PTBP2: variants seen among roughly 807,000 people sequenced by gnomAD.
PTBP2 encodes the protein polypyrimidine tract binding protein 2.
PTBP2 carries 13 observed loss-of-function variants against 61.4 expected under a neutral mutation model. That is an observed-to-expected ratio of 0.21 (90% CI 0.14 to 0.34). The LOEUF (loss-of-function observed/expected upper bound fraction) is 0.34, where lower values mean the gene tolerates loss of function less well. PTBP2 is among the 10% of genes least tolerant of loss of function. The probability of loss-of-function intolerance (pLI) is 1.00; values close to 1 mark genes in which losing one functional copy is unlikely to be tolerated. For synonymous variants in PTBP2, 215 were observed against 218.5 expected (o/e 0.98, Z 0.14); for missense variants, 405 against 642.6 (o/e 0.63, Z 4.00).
chr1:96,804,993 G>A (rs1471486228), intron 9 of PTBP2, 54 bp downstream of exon 9: 3 of 1,370,942 alleles, frequency 2.2e-6, no homozygotes, highest in East Asian at 5.1e-5. Context: ...ATTTGTGAAA[G>A]TTTTTCATGT....
intron 11 of PTBP2, among the ~76,000 whole-genome samples, chr1:96,811,786 CAT>C (rs1319652143): frequency 4.6e-5 from 7 of 152,174 alleles, no homozygotes; most frequent in African/African-American, 1.7e-4. Context: ...AAGTGCATGA[CAT>C]ATTAGAAATG....
chr1:96,805,957 T>C (rs1049456688), intron 9 of PTBP2, among the ~76,000 whole-genome samples: 2 of 152,176 alleles, frequency 1.3e-5, no homozygotes, highest in African/African-American at 4.8e-5. Context: ...ATGACTACAT[T>C]TTACTCAGTT....
At chr1:96,739,533 A>G (rs771507851) in intron 2 of PTBP2, among the ~76,000 whole-genome samples, 4 of 151,602 alleles carry the variant, frequency 2.6e-5, no homozygotes, top group Non-Finnish European at 5.9e-5. Flanking sequence ...AATACCTCAC[A>G]TAAGTGGAAT....
chr1:96,782,018 T>C (rs1658724600), intron 7 of PTBP2, among the ~76,000 whole-genome samples: 1 of 152,036 alleles, frequency 6.6e-6, no homozygotes, highest in African/African-American at 2.4e-5. Context: ...ATCTTTTTAA[T>C]AGTATAATAA....
At chr1:96,809,905 T>G (rs996214045) in intron 11 of PTBP2, among the ~76,000 whole-genome samples, 1 of 151,972 alleles carries the variant, frequency 6.6e-6, no homozygotes, top group Admixed American at 6.6e-5. Flanking sequence ...TGGAAATCAA[T>G]GGTATAAAAG....
chr1:96,762,439 G>A lies in PTBP2; in HGVS notation c.116-7264G>A, dbSNP rs1167068267. 7.3e-5 allele frequency among the ~76,000 whole-genome samples: 10 copies of A among 137,554 alleles called. No homozygotes were observed. In the South Asian group the frequency reaches 9.5e-4, roughly 13 times the overall value. The allele number at this position is 137,554 out of a possible 152,430, so 90.2% of individuals were successfully genotyped here. ...TCCCGGATGGGGCAGCTGGCCGGGC[G>A]GGGGGCTGACCCCCCCACCTCCCTC... On this transcript the variant is annotated intron_variant, in intron 3 of 13. Coordinates refer to ENST00000674951, the MANE Select transcript of PTBP2 (RefSeq NM_021190.4).
chr1:96,734,453 A>T (rs888919568), intron 2 of PTBP2, among the ~76,000 whole-genome samples: 3 of 151,744 alleles, frequency 2.0e-5, no homozygotes, highest in Non-Finnish European at 4.4e-5. Context: ...AAGTCATAGT[A>T]TTTTTATAGG....
At position 96,812,806 on chromosome 1, in the gene PTBP2, T is replaced by C. The variant is rs764177089; in HGVS notation, c.1266T>C (p.Leu422=). Residue 422 remains leucine (L), a synonymous_variant, in exon 12 of 14, where the codon CTT becomes CTC. Transcript: ENST00000674951. ...HQTVQLPREG[L]DDQGLTKDFG... Reference sequence around the variant, plus strand: ...CTGTACAGCTACCTCGAGAGGGACTTGATGATCAAGGGCTAACAAAAGATT... The same window carrying C: ...CTGTACAGCTACCTCGAGAGGGACTCGATGATCAAGGGCTAACAAAAGATT... 1.9e-6 allele frequency: 3 copies of C among 1,612,522 alleles called. No individual in the cohort carries two copies. Among genetic ancestry groups the C allele is most frequent in the Non-Finnish European group, 1.7e-6 (2 of 1,178,614 alleles).
intron 2 of PTBP2, among the ~76,000 whole-genome samples, chr1:96,748,212 C>A (rs1654092388): frequency 6.6e-6 from 1 of 152,262 alleles, no homozygotes; most frequent in East Asian, 1.9e-4. Context: ...CAGTCCCAAA[C>A]CATAGCAGAG....
At chr1:96,808,538 GT>G (rs1012878477) in intron 11 of PTBP2, among the ~76,000 whole-genome samples, 6 of 152,118 alleles carry the variant, frequency 3.9e-5, no homozygotes, top group African/African-American at 1.4e-4. Flanking sequence ...TTTAAGTACA[GT>G]TACATTGGGG....
intron 1 of PTBP2, 98 bp downstream of exon 1, chr1:96,721,970 C>G: frequency 6.7e-7 from 1 of 1,498,556 alleles, no homozygotes; most frequent in Non-Finnish European, 9.1e-7. Context: ...CGCGGCCCCT[C>G]CCAGGGCTGG....
At chr1:96,804,767 G>C in intron 8 of PTBP2, 33 bp from the exon 9 acceptor site, 1 of 1,578,562 alleles carries the variant, frequency 6.3e-7, no homozygotes. Flanking sequence ...CGTAAAATAT[G>C]CTTTATTTTA....
intron 7 of PTBP2, among the ~76,000 whole-genome samples, chr1:96,782,882 T>C (rs1181568919): frequency 4.6e-5 from 7 of 152,060 alleles, no homozygotes; most frequent in Non-Finnish European, 7.4e-5. Context: ...GTGCCTAATA[T>C]CTTTCCTGTG....
chr1:96,774,966 C>G (rs867592432), intron 5 of PTBP2, among the ~76,000 whole-genome samples: 2 of 152,292 alleles, frequency 1.3e-5, no homozygotes, highest in Middle Eastern at 3.4e-3. Flanking sequence ...TGTCACTGCT[C>G]TCATGCATGG....
At chr1:96,723,824 G>T (rs1159958175) in intron 2 of PTBP2, among the ~76,000 whole-genome samples, 1 of 152,134 alleles carries the variant, frequency 6.6e-6, no homozygotes, top group Non-Finnish European at 1.5e-5. Context: ...GAATGATCAA[G>T]AAATTGAAAA....
intron 1 of PTBP2, among the ~76,000 whole-genome samples, chr1:96,723,218 C>T (rs1241928848): frequency 1.3e-5 from 2 of 152,156 alleles, no homozygotes; most frequent in Non-Finnish European, 2.9e-5. Flanking sequence ...TTTCCTGATT[C>T]CTGGTTCCTG....
At chr1:96,756,081 T>C (rs1292048739) in intron 3 of PTBP2, among the ~76,000 whole-genome samples, 1 of 152,260 alleles carries the variant, frequency 6.6e-6, no homozygotes, top group Non-Finnish European at 1.5e-5. Context: ...ACAGCCACTT[T>C]GGAAGACAAT....
chr1:96,739,309 A>C (rs1207974303), intron 2 of PTBP2, among the ~76,000 whole-genome samples: 1 of 152,190 alleles, frequency 6.6e-6, no homozygotes, highest in Non-Finnish European at 1.5e-5. Context: ...AATTGTACAA[A>C]AAAACACATA....
chr1:96,729,775 C>T (rs867285397), intron 2 of PTBP2, among the ~76,000 whole-genome samples: 1 of 139,906 alleles, frequency 7.1e-6, no homozygotes. Flanking sequence ...CTTGCTCTGT[C>T]GCCCGGGCTG....
Sources: gnomAD v4.1 joint callset for allele counts (sites outside exome capture counted in the v4.1 genomes callset) on GRCh38, gnomAD v4.1.1 for gene constraint, MANE v1.5 for transcripts, NCBI Gene and HGNC (gene_info 2026-07-23, HGNC 2026-07-21) for gene names.